Variants in RSRC1 observed in about 807,000 individuals in gnomAD.
RSRC1 encodes the protein serine/Arginine-related protein 53.
In RSRC1, 39 loss-of-function variants were observed where a neutral mutation model predicts 49.1. That is an observed-to-expected ratio of 0.79 (90% CI 0.61 to 1.04). RSRC1 has a LOEUF of 1.04. Ranked by LOEUF, RSRC1 falls within the 50% of genes least tolerant of loss-of-function variation. The pLI is 0.00. For synonymous variants in RSRC1, 143 were observed against 130.8 expected (o/e 1.09, Z -0.63); for missense variants, 388 against 402.4 (o/e 0.96, Z 0.31).
chr3:158,440,634 A>G (rs954942031), intron 6 of RSRC1, among the ~76,000 whole-genome samples: 3 of 152,140 alleles, frequency 2.0e-5, no homozygotes, highest in Non-Finnish European at 4.4e-5. Flanking sequence ...CAGATTCTAT[A>G]GCATGTTTCA....
chr3:158,421,631 G>A (rs1390079137), intron 6 of RSRC1, among the ~76,000 whole-genome samples: 1 of 151,672 alleles, frequency 6.6e-6, no homozygotes, highest in Non-Finnish European at 1.5e-5. Flanking sequence ...CAGAAAAAAT[G>A]GGCACCCAGA....
intron 4 of RSRC1, among the ~76,000 whole-genome samples, chr3:158,229,456 G>T: frequency 6.7e-6 from 1 of 149,826 alleles, no homozygotes; most frequent in East Asian, 2.0e-4. Flanking sequence ...ACGTATATGT[G>T]TATGTATATA....
At chr3:158,444,547 T>C (rs1736577135) in intron 6 of RSRC1, among the ~76,000 whole-genome samples, 1 of 151,944 alleles carries the variant, frequency 6.6e-6, no homozygotes, top group Non-Finnish European at 1.5e-5. Flanking sequence ...CCTAAAACCA[T>C]AAAAACCCTA....
In RSRC1 at chr3:158,150,792, C is replaced by T. The variant is rs369699657; in HGVS notation, c.320+26801C>T. On this transcript the variant is annotated intron_variant, in intron 3 of 9. Coordinates refer to ENST00000611884, the MANE Select transcript of RSRC1 (RefSeq NM_001271838.2). Reference sequence around the variant, plus strand: ...CATGAGTTTTTCTTTTGTTTGGGAGCGAGGGGTGCTTTAACTGGAACAGAT... The same window carrying T: ...CATGAGTTTTTCTTTTGTTTGGGAGTGAGGGGTGCTTTAACTGGAACAGAT... 2.8e-4 allele frequency among the ~76,000 whole-genome samples: 42 copies of T among 152,018 alleles called. No individual in the cohort carries two copies. In the East Asian group the frequency reaches 3.3e-3, roughly 12 times the overall value.
At chr3:158,180,230 T>G (rs1719496891) in intron 3 of RSRC1, among the ~76,000 whole-genome samples, 1 of 151,984 alleles carries the variant, frequency 6.6e-6, no homozygotes, top group Non-Finnish European at 1.5e-5. Flanking sequence ...GTTTTATCAG[T>G]TCTTCCTTTT....
At chr3:158,124,262 A>G (rs991173328) in intron 3 of RSRC1, among the ~76,000 whole-genome samples, 4 of 151,890 alleles carry the variant, frequency 2.6e-5, no homozygotes, top group African/African-American at 9.7e-5. Flanking sequence ...AGTAGGCTAG[A>G]TTGGGTTTCT....
chr3:158,296,480 C>T (rs1378888027), intron 4 of RSRC1, among the ~76,000 whole-genome samples: 3 of 150,936 alleles, frequency 2.0e-5, no homozygotes, highest in African/African-American at 4.9e-5. Context: ...TATATGTTGC[C>T]CTGTTCAGAT....
At chr3:158,523,508 A>T (rs956205456) in intron 7 of RSRC1, among the ~76,000 whole-genome samples, 2 of 152,172 alleles carry the variant, frequency 1.3e-5, no homozygotes, top group South Asian at 2.1e-4. Context: ...TTATCTCTCA[A>T]TGGAAGCTCC....
chr3:158,178,249 C>T (rs1473933779), intron 3 of RSRC1, among the ~76,000 whole-genome samples: 1 of 152,064 alleles, frequency 6.6e-6, no homozygotes, highest in Admixed American at 6.5e-5. Context: ...AGCTATTGTC[C>T]CACCTCCACC....
intron 5 of RSRC1, among the ~76,000 whole-genome samples, chr3:158,313,714 T>C (rs1019216757): frequency 2.0e-5 from 3 of 152,254 alleles, no homozygotes; most frequent in African/African-American, 7.2e-5. Flanking sequence ...AGAACGATGT[T>C]GTGTCTTGAC....
At chr3:158,290,058 AT>A (rs200645147) in intron 4 of RSRC1, among the ~76,000 whole-genome samples, 18,562 of 148,920 alleles carry the variant, frequency 0.12, 1,396 homozygotes, top group Middle Eastern at 0.2. Flanking sequence ...TTATATGAAG[AT>A]TTTTTTTTTT....
intron 6 of RSRC1, among the ~76,000 whole-genome samples, chr3:158,375,159 GTTATTATTATTATTATTA>G (rs60589390): frequency 0.01 from 1,464 of 145,204 alleles, 22 homozygotes; most frequent in African/African-American, 0.033. Flanking sequence ...GACTTAGCAA[GTTATTATTATTATTATTA>G]TTATTATTAT....
chr3:158,330,271 G>A (rs1169439217), intron 5 of RSRC1, among the ~76,000 whole-genome samples: 1 of 152,226 alleles, frequency 6.6e-6, no homozygotes, highest in Non-Finnish European at 1.5e-5. Flanking sequence ...GCCCCAGTGA[G>A]ATTTCCTCAG....
chr3:158,232,679 G>A (rs761548868), intron 4 of RSRC1, among the ~76,000 whole-genome samples: 1 of 152,006 alleles, frequency 6.6e-6, no homozygotes, highest in South Asian at 2.1e-4. Context: ...TCATGTTTTA[G>A]CCTATGTCTG....
chr3:158,527,018 AG>A (rs1453133459), intron 7 of RSRC1, among the ~76,000 whole-genome samples: 1 of 151,914 alleles, frequency 6.6e-6, no homozygotes, highest in Non-Finnish European at 1.5e-5. Flanking sequence ...AGGAAATAAA[AG>A]ATTAATTCAA....
At chr3:158,372,618 C>T (rs1239031337) in intron 6 of RSRC1, among the ~76,000 whole-genome samples, 1 of 151,886 alleles carries the variant, frequency 6.6e-6, no homozygotes, top group African/African-American at 2.4e-5. Flanking sequence ...AATGCTTTAG[C>T]TCTTCTAATT....
chr3:158,236,636 G>A (rs1211966514), intron 4 of RSRC1, among the ~76,000 whole-genome samples: 2 of 152,212 alleles, frequency 1.3e-5, no homozygotes, highest in Non-Finnish European at 1.5e-5. Flanking sequence ...GCTGTTGCAT[G>A]TATTGGTAGT....
rs1391498202 is a variant in RSRC1, at chr3:158,246,253, G to A, written c.494+43008G>A. 2.0e-5 allele frequency among the ~76,000 whole-genome samples: 3 copies of A among 148,942 alleles called. No individual in the cohort carries two copies. The East Asian group carries it at 6.0e-4, about 30-fold the overall frequency. ...CACACACCAGGGCCTGTTGTGGGGT[G>A]CGGGGAGGGGGGAGGGATGGCATTA... On this transcript the variant is annotated intron_variant, in intron 4 of 9. Coordinates refer to ENST00000611884, the MANE Select transcript of RSRC1 (RefSeq NM_001271838.2).
chr3:158,310,121 A>G (rs1305342509), intron 5 of RSRC1, among the ~76,000 whole-genome samples: 1 of 151,668 alleles, frequency 6.6e-6, no homozygotes, highest in African/African-American at 2.4e-5. Context: ...ATGCTTATAA[A>G]TACCTTACTT....
Sources: gnomAD v4.1 joint callset for allele counts (sites outside exome capture counted in the v4.1 genomes callset) on GRCh38, gnomAD v4.1.1 for gene constraint, MANE v1.5 for transcripts, NCBI Gene and HGNC (gene_info 2026-07-23, HGNC 2026-07-21) for gene names.